Variants in FAM240B observed in about 807,000 individuals in gnomAD.
FAM240B encodes the protein family with sequence similarity 240 member B, also known as protein FAM240B.
intron 2 of FAM240B, among the ~76,000 whole-genome samples, chr9:38,698,217 T>C (rs926813053): frequency 1.3e-5 from 2 of 152,166 alleles, no homozygotes; most frequent in African/African-American, 2.4e-5. Flanking sequence ...TAATACATTA[T>C]AAATAGCAAA....
intron 2 of FAM240B, among the ~76,000 whole-genome samples, chr9:38,698,543 T>C (rs1336589647): frequency 6.6e-6 from 1 of 152,222 alleles, no homozygotes; most frequent in African/African-American, 2.4e-5. Flanking sequence ...TGTATGTATA[T>C]ACACAATACA....
At chr9:38,705,689 G>T (rs1239985902) in intron 1 of FAM240B, 1 of 151,830 alleles carries the variant, frequency 6.6e-6, no homozygotes, top group Admixed American at 6.6e-5. Flanking sequence ...ACACTTATAT[G>T]TATAATAGTA....
At chr9:38,717,635 C>T (rs1367443976) in intron 1 of FAM240B, among the ~76,000 whole-genome samples, 1 of 151,978 alleles carries the variant, frequency 6.6e-6, no homozygotes, top group Non-Finnish European at 1.5e-5. Context: ...CGCCCGCCGC[C>T]ACACCCGGCT....
At chr9:38,703,442 C>T (rs955577168) in intron 2 of FAM240B, among the ~76,000 whole-genome samples, 7 of 152,196 alleles carry the variant, frequency 4.6e-5, no homozygotes, top group African/African-American at 1.7e-4. Flanking sequence ...CTCCTATAGC[C>T]CAAATCCTGA....
intron 2 of FAM240B, among the ~76,000 whole-genome samples, chr9:38,698,820 T>A (rs1304833460): frequency 6.6e-6 from 1 of 152,216 alleles, no homozygotes; most frequent in Non-Finnish European, 1.5e-5. Flanking sequence ...CCTCCATCTA[T>A]CCAAATGTCT....
intron 2 of FAM240B, among the ~76,000 whole-genome samples, chr9:38,695,890 G>A (rs1821063210): frequency 5.9e-5 from 9 of 152,226 alleles, no homozygotes; most frequent in Admixed American, 5.9e-4. Flanking sequence ...TAAATACGCA[G>A]TAATGTGGCC....
At chr9:38,712,985 T>C (rs1821271728) in intron 1 of FAM240B, among the ~76,000 whole-genome samples, 1 of 152,156 alleles carries the variant, frequency 6.6e-6, no homozygotes, top group South Asian at 2.1e-4. Context: ...CATCATAGAC[T>C]AAAATTATTC....
At chr9:38,706,677 G>A (rs1313686023) in intron 1 of FAM240B, among the ~76,000 whole-genome samples, 1 of 152,266 alleles carries the variant, frequency 6.6e-6, no homozygotes, top group African/African-American at 2.4e-5. Context: ...TGCCAGGCTG[G>A]AGCTGCGCCG....
chr9:38,707,680 G>T (rs1011937221), intron 1 of FAM240B, among the ~76,000 whole-genome samples: 1 of 151,178 alleles, frequency 6.6e-6, no homozygotes, highest in Admixed American at 6.6e-5. Context: ...TGTAATCCCA[G>T]CTACTCAGGA....
intron 2 of FAM240B, among the ~76,000 whole-genome samples, chr9:38,699,483 A>G (rs777856252): frequency 6.6e-5 from 10 of 152,192 alleles, no homozygotes; most frequent in Non-Finnish European, 1.5e-4. Context: ...AGAGGGGGGA[A>G]GTAACGATTG....
At chr9:38,706,370 G>T (rs536633417) in intron 1 of FAM240B, among the ~76,000 whole-genome samples, 1 of 152,290 alleles carries the variant, frequency 6.6e-6, no homozygotes, top group Non-Finnish European at 1.5e-5. Flanking sequence ...GAAAGAGGAA[G>T]TTTGACTTAG....
At chr9:38,705,698 T>C (rs1243119416) in intron 1 of FAM240B, among the ~76,000 whole-genome samples, 1 of 152,052 alleles carries the variant, frequency 6.6e-6, no homozygotes, top group Non-Finnish European at 1.5e-5. Context: ...TGTATAATAG[T>C]AGAATATGAT....
At position 38,717,641 on chromosome 9, in the gene FAM240B, C is replaced by T. The variant is rs536242837; in HGVS notation, c.-4+2381G>A. Among the ~76,000 whole-genome samples, 31 of 151,954 alleles carry T rather than the reference C, an allele frequency of 2.0e-4. No homozygotes were observed. The East Asian group carries it at 4.5e-3, about 22-fold the overall frequency. On this transcript the variant is annotated intron_variant, in intron 1 of 2. Transcript: ENST00000637493. ...GACTACAGGCGCCCGCCGCCACACCCGGCTAATTTTTTTGTATTTTTTAGT... is the reference window on the plus strand; with the variant it reads ...GACTACAGGCGCCCGCCGCCACACCTGGCTAATTTTTTTGTATTTTTTAGT...
intron 1 of FAM240B, among the ~76,000 whole-genome samples, chr9:38,704,645 C>T (rs989042853): frequency 2.6e-5 from 4 of 152,186 alleles, no homozygotes; most frequent in African/African-American, 9.7e-5. Context: ...AGTGCTAAGC[C>T]TCATGCATGA....
At chr9:38,711,380 G>C (rs1019049532) in intron 1 of FAM240B, among the ~76,000 whole-genome samples, 1 of 152,106 alleles carries the variant, frequency 6.6e-6, no homozygotes, top group African/African-American at 2.4e-5. Flanking sequence ...AATACCTTTA[G>C]GTCCAAAGTT....
chr9:38,707,904 G>A (rs530973406), intron 1 of FAM240B, among the ~76,000 whole-genome samples: 2 of 152,190 alleles, frequency 1.3e-5, no homozygotes, highest in South Asian at 4.1e-4. Flanking sequence ...ACACTTATAG[G>A]GTCTCTGTTT....
chr9:38,699,342 C>T (rs77993539), intron 2 of FAM240B, among the ~76,000 whole-genome samples: 3,968 of 152,244 alleles, frequency 0.026, 161 homozygotes, highest in African/African-American at 0.09. Flanking sequence ...AGGCACTAAA[C>T]ATATGTGTCA....
At position 38,703,339 on chromosome 9, in the gene FAM240B, C is replaced by T. The variant is rs1215843745; in HGVS notation, c.143+518G>A. On this transcript the variant is annotated intron_variant, in intron 2 of 2. Coordinates refer to ENST00000637493, the MANE Select transcript of FAM240B (RefSeq NM_001394922.1). ...ACCAACCGATCTCAAGTCTGTAGCCCTAGCCACCTCCTTGTCTAACTCTCA... is the reference window on the plus strand; with the variant it reads ...ACCAACCGATCTCAAGTCTGTAGCCTTAGCCACCTCCTTGTCTAACTCTCA... Among the ~76,000 whole-genome samples, 3 of 152,188 alleles carry T rather than the reference C, an allele frequency of 2.0e-5. No homozygotes were observed. In the South Asian group the frequency reaches 6.2e-4, roughly 32 times the overall value.
At chr9:38,713,662 G>A (rs1433673992) in intron 1 of FAM240B, among the ~76,000 whole-genome samples, 1 of 152,142 alleles carries the variant, frequency 6.6e-6, no homozygotes, top group Non-Finnish European at 1.5e-5. Flanking sequence ...TATGTAAGAA[G>A]ATGACTGTGT....
Sources: gnomAD v4.1 joint callset for allele counts (sites outside exome capture counted in the v4.1 genomes callset) on GRCh38, gnomAD v4.1.1 for gene constraint, MANE v1.5 for transcripts, NCBI Gene and HGNC (gene_info 2026-07-23, HGNC 2026-07-21) for gene names.